C2orf76: variants seen among roughly 807,000 people sequenced by gnomAD.
The protein encoded by C2orf76 is UPF0538 protein C2orf76.
Under a neutral mutation model 16.9 loss-of-function variants are expected in C2orf76, and 23 were observed. That is an observed-to-expected ratio of 1.36 (90% CI 0.98 to 1.93). C2orf76 has a LOEUF of 1.93. C2orf76 is among the 30% of genes most tolerant of loss of function. The pLI, the probability that C2orf76 is intolerant of heterozygous loss-of-function variation, is 0.00. For synonymous variants in C2orf76, 48 were observed against 52.3 expected (o/e 0.92, Z 0.35); for missense variants, 152 against 152.6 (o/e 1.00, Z 0.02).
At chr2:119,323,466 A>G (rs965016674) in intron 2 of C2orf76, among the ~76,000 whole-genome samples, 3 of 152,236 alleles carry the variant, frequency 2.0e-5, no homozygotes, top group Admixed American at 2.0e-4. Context: ...CCCACTCATG[A>G]CAGCGTGTGC....
chr2:119,346,676 G>A (rs912290444), intron 1 of C2orf76, among the ~76,000 whole-genome samples: 2 of 152,192 alleles, frequency 1.3e-5, no homozygotes, highest in African/African-American at 4.8e-5. Context: ...GCTATTAAAG[G>A]GTAAAATGAG....
At chr2:119,363,168 T>C (rs1271616616) in intron 1 of C2orf76, among the ~76,000 whole-genome samples, 1 of 152,154 alleles carries the variant, frequency 6.6e-6, no homozygotes, top group Non-Finnish European at 1.5e-5. Flanking sequence ...CTCACGCCTG[T>C]AATCTCAGCA....
intron 1 of C2orf76, among the ~76,000 whole-genome samples, chr2:119,365,124 G>A (rs952640875): frequency 2.0e-5 from 3 of 152,018 alleles, no homozygotes; most frequent in African/African-American, 7.2e-5. Context: ...AAAACTAAAA[G>A]CAACTGATCT....
chr2:119,289,504 G>A, the C2orf76 span, among the ~76,000 whole-genome samples: 24 of 151,910 alleles, frequency 1.6e-4, no homozygotes, highest in African/African-American at 3.6e-4. Flanking sequence ...TGGCCAACAC[G>A]GTGAAACCTC....
rs780944706 is a variant in C2orf76, at chr2:119,339,823, A to G, written c.133+4T>C. ...TAAAACAAAATGGCTTTCACATCTC[A>G]TACCTTGCTTTAGAAATACGATAAA... On this transcript the variant is annotated splice_donor_region_variant and intron_variant, in intron 2 of 5. Transcript: ENST00000334816. The G allele has an allele frequency of 6.3e-7, 1 of 1,593,970 alleles. No homozygotes were observed. Among genetic ancestry groups the G allele is most frequent in the South Asian group, 1.1e-5 (1 of 90,266 alleles).
chr2:119,361,058 T>C (rs1277089495), intron 1 of C2orf76, among the ~76,000 whole-genome samples: 1 of 152,234 alleles, frequency 6.6e-6, no homozygotes, highest in Non-Finnish European at 1.5e-5. Flanking sequence ...CTTAAATGTA[T>C]CAATGTCAAT....
At chr2:119,365,303 C>G (rs913624084) in intron 1 of C2orf76, among the ~76,000 whole-genome samples, 1 of 152,114 alleles carries the variant, frequency 6.6e-6, no homozygotes, top group Non-Finnish European at 1.5e-5. Flanking sequence ...CAAATCCAGG[C>G]CTCAAATGGA....
At chr2:119,346,654 G>GTCA (rs1680211670) in intron 1 of C2orf76, among the ~76,000 whole-genome samples, 1 of 152,082 alleles carries the variant, frequency 6.6e-6, no homozygotes, top group African/African-American at 2.4e-5. Flanking sequence ...GGAAAGAGGT[G>GTCA]TCATGTCTGT....
intron 5 of C2orf76, chr2:119,311,133 AT>A: frequency 2.0e-6 from 2 of 984,088 alleles, no homozygotes; most frequent in Non-Finnish European, 2.4e-6. Context: ...GGAAGGCCCA[AT>A]CAGGTACTTT....
intron 5 of C2orf76, among the ~76,000 whole-genome samples, chr2:119,305,018 C>A (rs1678732210): frequency 6.6e-6 from 1 of 152,200 alleles, no homozygotes; most frequent in South Asian, 2.1e-4. Context: ...CCCCAGGGCA[C>A]CTGATTTTAA....
rs547409125 is a variant in C2orf76 at position 119,327,795 on chromosome 2, C to G, written c.134-6591G>C. On this transcript the variant is annotated intron_variant, in intron 2 of 5. Transcript: ENST00000334816. ...ATAAATCTCTTTTCTTTATAAATTA[C>G]CCAGCTTCAGGTATTCCTTTATAGC... is the stretch of plus-strand genomic sequence containing the variant. 3.5e-4 allele frequency among the ~76,000 whole-genome samples: 54 copies of G among 152,218 alleles called. 1 individual carries two copies. The East Asian group carries it at 0.01, about 29-fold the overall frequency.
chr2:119,343,814 T>C (rs1369088478), intron 1 of C2orf76, among the ~76,000 whole-genome samples: 1 of 152,134 alleles, frequency 6.6e-6, no homozygotes, highest in Non-Finnish European at 1.5e-5. Flanking sequence ...AGTCGTTCCA[T>C]TAATTTAAGA....
chr2:119,315,672 G>C (rs1679146267), intron 4 of C2orf76, among the ~76,000 whole-genome samples: 1 of 152,158 alleles, frequency 6.6e-6, no homozygotes, highest in African/African-American at 2.4e-5. Flanking sequence ...ATCTTAACTA[G>C]CATTGTTATG....
chr2:119,299,658 ATTTTT>A (rs1299540282), downstream of C2orf76, among the ~76,000 whole-genome samples: 3 of 151,282 alleles, frequency 2.0e-5, no homozygotes, highest in South Asian at 2.1e-4. Context: ...TTTATTTTTG[ATTTTT>A]TTTCTGTATT....
rs374503398 is a variant in C2orf76 at position 119,307,784 on chromosome 2, T to A, written c.304+3838A>T. On this transcript the variant is annotated intron_variant, in intron 5 of 5. Transcript: ENST00000334816. ...TAAAGTAAGAGGACAAAAAGAGGGATTTGCTTCTCACCTTTACAGATGGTT... is the reference window on the plus strand; with the variant it reads ...TAAAGTAAGAGGACAAAAAGAGGGAATTGCTTCTCACCTTTACAGATGGTT... 3.3e-5 allele frequency among the ~76,000 whole-genome samples: 5 copies of A among 152,256 alleles called. No homozygotes were observed. The East Asian group carries it at 9.7e-4, about 29-fold the overall frequency.
At chr2:119,347,108 A>G (rs1007701640) in intron 1 of C2orf76, among the ~76,000 whole-genome samples, 2 of 152,204 alleles carry the variant, frequency 1.3e-5, no homozygotes, top group African/African-American at 2.4e-5. Context: ...GCATGGGTAC[A>G]TCTGGGGCTG....
intron 5 of C2orf76, chr2:119,311,376 C>T: frequency 1.0e-6 from 1 of 985,440 alleles, no homozygotes; most frequent in Non-Finnish European, 1.2e-6. Flanking sequence ...CAGGAGAATT[C>T]TGAGCATACC....
At chr2:119,366,752 G>T (rs1681022427) in intron 1 of C2orf76, 38 bp downstream of exon 1, 2 of 541,484 alleles carry the variant, frequency 3.7e-6, no homozygotes, top group South Asian at 4.3e-5. Flanking sequence ...ACCAACTCCC[G>T]GCAGCAAAAC....
intron 1 of C2orf76, among the ~76,000 whole-genome samples, chr2:119,342,382 G>A (rs547515942): frequency 3.9e-5 from 6 of 152,122 alleles, no homozygotes; most frequent in African/African-American, 7.2e-5. Flanking sequence ...AGGCCGAGGC[G>A]GAAGGATCAT....
Sources: allele counts gnomAD v4.1 joint callset (sites outside exome capture counted in the v4.1 genomes callset), GRCh38; gene constraint gnomAD v4.1.1; transcripts MANE v1.5; gene names NCBI Gene and HGNC (gene_info 2026-07-23, HGNC 2026-07-21).